Variants in LMNB1 observed in about 807,000 individuals in gnomAD.
The protein encoded by LMNB1 is lamin B1, also known as lamin-B1.
In LMNB1, 23 loss-of-function variants were observed where a neutral mutation model predicts 67.1. The ratio of observed to expected loss-of-function variants is 0.34; its 90% CI spans 0.25 to 0.49. The LOEUF (loss-of-function observed/expected upper bound fraction) is 0.49, where lower values mean the gene tolerates loss of function less well. LMNB1 is among the 20% of genes least tolerant of loss of function. The pLI, the probability that LMNB1 is intolerant of heterozygous loss-of-function variation, is 0.99. For synonymous variants in LMNB1, 281 were observed against 282.9 expected (o/e 0.99, Z 0.07); for missense variants, 634 against 746.5 (o/e 0.85, Z 1.76).
intron 10 of LMNB1, among the ~76,000 whole-genome samples, chr5:126,834,107 G>A (rs1752194532): frequency 6.6e-6 from 1 of 152,194 alleles, no homozygotes; most frequent in Non-Finnish European, 1.5e-5. Flanking sequence ...TATCTTTTAG[G>A]TCTCTTTCTG....
At chr5:126,808,624 A>G (rs958657941) in intron 3 of LMNB1, among the ~76,000 whole-genome samples, 4 of 152,176 alleles carry the variant, frequency 2.6e-5, no homozygotes, top group African/African-American at 9.7e-5. Context: ...AACCATTAGC[A>G]GTCACTCTTC....
chr5:126,836,589 T>G lies in LMNB1; in HGVS notation c.*325T>G. The G allele has an allele frequency of 2.8e-6, 1 of 352,000 alleles. No individual in the cohort carries two copies. The highest frequency in any genetic ancestry group is 5.0e-6 in the Non-Finnish European group (1 of 199,260). The allele number at this position is 352,000 out of a possible 1,614,324, so 21.8% of individuals were successfully genotyped here. A position where few individuals can be genotyped will look rare whatever the true frequency, so the allele number is the denominator to read the frequency against. On this transcript the variant is annotated 3_prime_UTR_variant, in exon 11 of 11. Transcript: ENST00000261366. Reference sequence around the variant, plus strand: ...GTTCTTATGAGGAGGGGAGGGTAAATAAACCACTGTGCGTCTTGGTGTAAT... The same window carrying G: ...GTTCTTATGAGGAGGGGAGGGTAAAGAAACCACTGTGCGTCTTGGTGTAAT...
intron 3 of LMNB1, among the ~76,000 whole-genome samples, chr5:126,805,939 C>G (rs1751408930): frequency 6.6e-6 from 1 of 152,086 alleles, no homozygotes; most frequent in African/African-American, 2.4e-5. Flanking sequence ...TTCACTTCAT[C>G]TTACTTATTT....
chr5:126,811,663 A>C, intron 4 of LMNB1, 110 bp from the exon 5 acceptor site: 1 of 946,278 alleles, frequency 1.1e-6, no homozygotes, highest in Non-Finnish European at 1.6e-6. Context: ...CCTGTGTTTC[A>C]TCTACCAGTT....
intron 8 of LMNB1, among the ~76,000 whole-genome samples, chr5:126,823,326 G>A (rs1215268303): frequency 6.6e-6 from 1 of 152,146 alleles, no homozygotes. Context: ...CCTAGGTTTT[G>A]AATAAAAGTC....
At chr5:126,808,332 C>T (rs937231581) in intron 3 of LMNB1, among the ~76,000 whole-genome samples, 2 of 151,530 alleles carry the variant, frequency 1.3e-5, no homozygotes, top group African/African-American at 4.9e-5. Flanking sequence ...TACAGGTTCA[C>T]ACCCTCACAA....
At chr5:126,830,879 G>A (rs758860772) in intron 9 of LMNB1, among the ~76,000 whole-genome samples, 11 of 152,226 alleles carry the variant, frequency 7.2e-5, no homozygotes, top group East Asian at 3.8e-4. Context: ...TAGCTTGAAC[G>A]GTGGTTGATC....
chr5:126,803,183 CAA>C (rs112706675), intron 1 of LMNB1, among the ~76,000 whole-genome samples: 4 of 127,764 alleles, frequency 3.1e-5, no homozygotes, highest in Admixed American at 7.9e-5. Context: ...GATGCCATCT[CAA>C]AAAAAAAAAA....
chr5:126,812,911 AGTAGAGACGGGGTTTCACC>A, intron 5 of LMNB1, among the ~76,000 whole-genome samples: 1 of 151,808 alleles, frequency 6.6e-6, no homozygotes, highest in East Asian at 2.0e-4. Flanking sequence ...TTGTATTTTT[AGTAGAGACGGGGTTTCACC>A]GTGTTAGCCA....
chr5:126,796,172 GCCAGC>G (rs1440128575), intron 1 of LMNB1, among the ~76,000 whole-genome samples: 1 of 151,886 alleles, frequency 6.6e-6, no homozygotes, highest in Non-Finnish European at 1.5e-5. Flanking sequence ...CAGGTGATCC[GCCAGC>G]CTTAGCCTCC....
At chr5:126,802,948 G>T (rs552330365) in intron 1 of LMNB1, among the ~76,000 whole-genome samples, 29 of 152,182 alleles carry the variant, frequency 1.9e-4, no homozygotes, top group African/African-American at 6.5e-4. Flanking sequence ...ATCTTGGGAA[G>T]CTGAGGCTGG....
chr5:126,814,259 C>T (rs1028767403), intron 5 of LMNB1, among the ~76,000 whole-genome samples: 66 of 152,170 alleles, frequency 4.3e-4, no homozygotes, highest in African/African-American at 1.4e-3. Flanking sequence ...ACTGAGTTGG[C>T]ATTTACTACT....
chr5:126,795,710 GC>G (rs1029791490), intron 1 of LMNB1, among the ~76,000 whole-genome samples: 2 of 151,098 alleles, frequency 1.3e-5, no homozygotes, highest in East Asian at 2.0e-4. Flanking sequence ...AGCAACCTCT[GC>G]CCCCCCGGGT....
intron 8 of LMNB1, among the ~76,000 whole-genome samples, 155 bp downstream of exon 8, chr5:126,823,040 A>T (rs1238673746): frequency 6.6e-6 from 1 of 152,250 alleles, no homozygotes; most frequent in East Asian, 1.9e-4. Flanking sequence ...AAAGATTTTT[A>T]AAATTCTGTC....
chr5:126,837,016 A>G lies in LMNB1; in HGVS notation c.*752A>G, dbSNP rs1752264882. 2 of 397,026 alleles carry G rather than the reference A, an allele frequency of 5.0e-6. No individual in the cohort carries two copies. Among genetic ancestry groups the G allele is most frequent in the Non-Finnish European group, 8.9e-6 (2 of 225,192 alleles). The allele number at this position is 397,026 out of a possible 1,614,324, so 24.6% of individuals were successfully genotyped here. On this transcript the variant is annotated 3_prime_UTR_variant, in exon 11 of 11. Coordinates refer to ENST00000261366, the MANE Select transcript of LMNB1 (RefSeq NM_005573.4). Reference sequence around the variant, plus strand: ...TAACAAATAAAAAAGCTCTTTTAATATTGATATACTGTCCTTTTTAACGCT... The same window carrying G: ...TAACAAATAAAAAAGCTCTTTTAATGTTGATATACTGTCCTTTTTAACGCT...
chr5:126,783,230 C>CA (rs1025592149), intron 1 of LMNB1, among the ~76,000 whole-genome samples: 6 of 151,756 alleles, frequency 4.0e-5, no homozygotes, highest in Admixed American at 3.3e-4. Context: ...AAAAAAACCA[C>CA]AAAAAACAAA....
intron 9 of LMNB1, among the ~76,000 whole-genome samples, chr5:126,831,016 A>T (rs560039842): frequency 9.8e-5 from 15 of 152,316 alleles, no homozygotes; most frequent in Non-Finnish European, 2.1e-4. Flanking sequence ...AGAGGCTCAA[A>T]ATGGTCCATC....
At chr5:126,797,957 A>G (rs1263968406) in intron 1 of LMNB1, among the ~76,000 whole-genome samples, 1 of 152,112 alleles carries the variant, frequency 6.6e-6, no homozygotes, top group Non-Finnish European at 1.5e-5. Flanking sequence ...GTAGTGGCAC[A>G]TGTGTATACT....
At chr5:126,787,662 T>C (rs1024052875) in intron 1 of LMNB1, among the ~76,000 whole-genome samples, 49 of 150,496 alleles carry the variant, frequency 3.3e-4, no homozygotes, top group African/African-American at 1.1e-3. Context: ...ATGATTCTTC[T>C]GCCTCAGCGT....
Sources: gnomAD v4.1 joint callset for allele counts (sites outside exome capture counted in the v4.1 genomes callset) on GRCh38, gnomAD v4.1.1 for gene constraint, MANE v1.5 for transcripts, NCBI Gene and HGNC (gene_info 2026-07-23, HGNC 2026-07-21) for gene names.